ATM: variants seen among roughly 807,000 people sequenced by gnomAD.
ATM encodes the protein serine-protein kinase ATM.
A neutral mutation model predicts 387.0 loss-of-function variants in ATM; 308 were observed. The observed-to-expected ratio is 0.80, with a 90% confidence interval of 0.73 to 0.87. The LOEUF is 0.87. ATM is among the 40% of genes least tolerant of loss of function. The pLI is 0.00. For synonymous variants in ATM, 1,156 were observed against 1,187.3 expected (o/e 0.97, Z 0.54); for missense variants, 3,312 against 3,560.9 (o/e 0.93, Z 1.78).
At chr11:108,321,210 T>C in intron 44 of ATM, 91 bp from the exon 45 acceptor site, 2 of 1,535,260 alleles carry the variant, frequency 1.3e-6, no homozygotes, top group African/African-American at 2.7e-5. Flanking sequence ...GCAAAGCCTA[T>C]GATGAGAACT....
In ATM at chr11:108,315,920, C is replaced by T. The variant is rs768737262; in HGVS notation, c.6095+9C>T. ...TTACAACCCATTACTAGGTAAATTG[C>T]ATTTTTCTAAACAACGGTATAGTAA... On this transcript the variant is annotated intron_variant, in intron 41 of 62. Transcript: ENST00000675843. The T allele has an allele frequency of 6.2e-7, 1 of 1,609,518 alleles. No individual in the cohort carries two copies. The highest frequency in any genetic ancestry group is 1.1e-5 in the South Asian group (1 of 90,970).
At chr11:108,350,330 G>A (rs1389597870) in intron 59 of ATM, among the ~76,000 whole-genome samples, 2 of 152,168 alleles carry the variant, frequency 1.3e-5, no homozygotes, top group Non-Finnish European at 2.9e-5. Context: ...CTACCCCTGG[G>A]CTGAGTTAGG....
chr11:108,265,490 G>A (rs558015903), intron 16 of ATM, among the ~76,000 whole-genome samples: 68 of 152,184 alleles, frequency 4.5e-4, no homozygotes, highest in African/African-American at 1.5e-3. Context: ...ATTCAAGATG[G>A]ATTAAAGACT....
chr11:108,309,209 AC>A, intron 38 of ATM: 4 of 532,590 alleles, frequency 7.5e-6, no homozygotes, highest in Admixed American at 3.1e-5. Context: ...AACAACAACA[AC>A]AAAAAAATTG....
chr11:108,237,096 A>G (rs1053712295), intron 5 of ATM, among the ~76,000 whole-genome samples: 1 of 152,204 alleles, frequency 6.6e-6, no homozygotes, highest in African/African-American at 2.4e-5. Flanking sequence ...CCACAAAACT[A>G]CTACCTAATC....
Position 108,335,010 on chromosome 11 carries a change from G to C in ATM, c.8052G>C (p.Gln2684His), listed in dbSNP as rs752121828. Residue 2684 changes from glutamine to histidine, a missense_variant, in exon 55 of 63, where the codon CAG (glutamine) becomes CAC (histidine). Physicochemically the swap from Gln to His is conservative, Grantham distance 24. Transcript: ENST00000675843. ...AATATGGAAATCTGGTGACTATACA[G>C]TCATTTAAAGCAGAATTTCGCTTAG... The part of the protein sequence containing the change: ...TGEYGNLVTI[Q>H]SFKAEFRLAG... 1.2e-6 allele frequency: 2 copies of C among 1,613,778 alleles called. No individual in the cohort carries two copies. The highest frequency in any genetic ancestry group is 4.5e-5 in the East Asian group (2 of 44,862).
At chr11:108,334,874 C>G (rs1336380283) in intron 54 of ATM, 95 bp from the exon 55 acceptor site, 14 of 1,407,610 alleles carry the variant, frequency 9.9e-6, no homozygotes, top group African/African-American at 1.4e-5. Context: ...ATTTGTTTCT[C>G]TGTTTAATAT....
At position 108,316,062 on chromosome 11, in the gene ATM, T is replaced by A. The variant is rs369940136; in HGVS notation, c.6147T>A (p.Tyr2049Ter). 6.2e-7 allele frequency: 1 copy of A among 1,614,174 alleles called. No individual in the cohort carries two copies. The highest frequency in any genetic ancestry group is 8.5e-7 in the Non-Finnish European group (1 of 1,180,020). The change falls in exon 42 of 63, where the codon TAT becomes TAA. Residue 2049 changes from tyrosine (Y) to a stop codon, truncating the protein, a stop_gained. Coordinates refer to ENST00000675843, the MANE Select transcript of ATM (RefSeq NM_000051.4). LOFTEE classifies it high-confidence loss of function. ...EAMWGKALVT[Y>*]DLETAIPSST... ...TGTGGGGCAAAGCCCTAGTAACATA[T>A]GACCTCGAAACAGCAATCCCCTCAT...
rs1204425510 is a variant in ATM, at chr11:108,293,046, ATGGT to A, written c.4611+254_4611+257del. Among the ~76,000 whole-genome samples the A allele has an allele frequency of 2.0e-5, 3 of 152,304 alleles. No individual in the cohort carries two copies. The South Asian group carries it at 6.2e-4, about 32-fold the overall frequency. On this transcript the variant is annotated intron_variant, in intron 30 of 62. Transcript: ENST00000675843. The stretch of plus-strand genomic sequence containing the variant: ...ACTAGGGATAGCAGTTCGCAACGTT[ATGGT>A]GGTATTTGAGTTACTACTTATATAA...
intron 5 of ATM, among the ~76,000 whole-genome samples, chr11:108,239,236 A>G (rs1213205364): frequency 6.6e-6 from 1 of 152,214 alleles, no homozygotes; most frequent in Non-Finnish European, 1.5e-5. Flanking sequence ...CAAAGTCAGT[A>G]GTCTGCAGCC....
intron 61 of ATM, among the ~76,000 whole-genome samples, chr11:108,363,408 C>G (rs920204618): frequency 6.6e-6 from 1 of 152,198 alleles, no homozygotes; most frequent in East Asian, 1.9e-4. Context: ...GGACCATTCT[C>G]TCCTCTAAGA....
chr11:108,252,155 A>AATT, intron 11 of ATM, 124 bp downstream of exon 11: 1 of 820,714 alleles, frequency 1.2e-6, no homozygotes, highest in Non-Finnish European at 1.9e-6. Flanking sequence ...ATCTAACCTT[A>AATT]ATTATTAAAT....
chr11:108,345,848 C>T lies in ATM; in HGVS notation c.8524C>T (p.Pro2842Ser), dbSNP rs876659505. 5.0e-6 allele frequency: 8 copies of T among 1,613,810 alleles called. No individual in the cohort carries two copies. The highest frequency in any genetic ancestry group is 6.8e-6 in the Non-Finnish European group (8 of 1,179,832). ...CTTCTGCATGGAAAAATTCTTGGAT[C>T]CAGCTATTTGGTTTGAGAAGCGATT... ...RYFCMEKFLD[P>S]AIWFEKRLAY... Residue 2842 changes from proline (P) to serine (S), a missense_variant, in exon 58 of 63, where the codon CCA becomes TCA. Physicochemically the swap from Pro to Ser is moderately conservative, Grantham distance 74 (BLOSUM62 -1). Coordinates refer to ENST00000675843, the MANE Select transcript of ATM (RefSeq NM_000051.4).
chr11:108,338,253 A>G (rs1055709878), intron 56 of ATM, among the ~76,000 whole-genome samples: 1 of 152,194 alleles, frequency 6.6e-6, no homozygotes, highest in Non-Finnish European at 1.5e-5. Flanking sequence ...TGGGAGGCTG[A>G]GGTGAGAGAA....
At chr11:108,327,546 A>G (rs1373142249) in intron 47 of ATM, 99 bp from the exon 48 acceptor site, 1 of 984,656 alleles carries the variant, frequency 1.0e-6, no homozygotes, top group Non-Finnish European at 1.6e-6. Flanking sequence ...CCCACCAAGG[A>G]AAAACATTTT....
intron 46 of ATM, 104 bp downstream of exon 46, chr11:108,325,648 A>T (rs2085602164): frequency 5.2e-6 from 5 of 969,478 alleles, no homozygotes; most frequent in African/African-American, 1.6e-5. Context: ...AGAGATAGAG[A>T]TCTCTATTAA....
At chr11:108,331,075 G>T in intron 50 of ATM, 1 of 715,842 alleles carries the variant, frequency 1.4e-6, no homozygotes, top group Non-Finnish European at 1.8e-6. Context: ...ATTACTTTTG[G>T]CCTATGGGGA....
rs189445371 is a variant in ATM, at chr11:108,279,505, C to G, written c.3299C>G (p.Thr1100Arg). 1 of 1,610,310 alleles carries G rather than the reference C, an allele frequency of 6.2e-7. No homozygotes were observed. The highest frequency in any genetic ancestry group is 1.7e-5 in the Admixed American group (1 of 59,622). Residue 1100 changes from threonine (T) to arginine (R), a missense_variant, in exon 23 of 63, where the codon ACG (threonine) becomes AGG (arginine). Transcript: ENST00000675843. ...CTTGTTTTAAGATTGTTCCAGGACA[C>G]GAAGGGAGATTCTTCCAGGTTACTG... ...AESINRLFQD[T>R]KGDSSRLLKA...
intron 61 of ATM, among the ~76,000 whole-genome samples, chr11:108,360,717 G>T (rs1455901351): frequency 7.1e-6 from 1 of 141,622 alleles, no homozygotes; most frequent in African/African-American, 2.7e-5. Context: ...CTCAATAGAT[G>T]CAGAAAAAGC....
Sources: gnomAD v4.1 joint callset for allele counts (sites outside exome capture counted in the v4.1 genomes callset) on GRCh38, gnomAD v4.1.1 for gene constraint, MANE v1.5 for transcripts, NCBI Gene and HGNC (gene_info 2026-07-23, HGNC 2026-07-21) for gene names.